VPS35L: variants seen among roughly 807,000 people sequenced by gnomAD.
The protein encoded by VPS35L is VPS35 endosomal protein-sorting factor-like.
A neutral mutation model predicts 133.0 loss-of-function variants in VPS35L; 83 were observed. The ratio of observed to expected loss-of-function variants is 0.62; its 90% CI spans 0.52 to 0.75. The LOEUF is 0.75. Ranked by LOEUF, VPS35L falls within the 30% of genes least tolerant of loss-of-function variation. The probability of loss-of-function intolerance (pLI) is 0.00; values close to 1 mark genes in which losing one functional copy is unlikely to be tolerated. For synonymous variants in VPS35L, 423 were observed against 449.9 expected, an observed-to-expected ratio of 0.94 and a Z score of 0.76; for missense variants, 1,083 against 1,206.8, an observed-to-expected ratio of 0.90 and a Z score of 1.52.
intron 28 of VPS35L, among the ~76,000 whole-genome samples, chr16:19,688,290 C>G (rs576116541): frequency 6.6e-6 from 1 of 152,204 alleles, no homozygotes; most frequent in Non-Finnish European, 1.5e-5. Flanking sequence ...AATATTGTCT[C>G]TTTTGAATTG....
intron 2 of VPS35L, 176 bp from the exon 3 acceptor site, chr16:19,569,248 G>A (rs1011245432): frequency 1.3e-5 from 10 of 768,846 alleles, no homozygotes; most frequent in Non-Finnish European, 2.3e-5. Context: ...TGACAGTTGT[G>A]ATCCTGAGTC....
intron 14 of VPS35L, among the ~76,000 whole-genome samples, chr16:19,625,955 C>T (rs912092912): frequency 2.6e-5 from 4 of 151,944 alleles, no homozygotes; most frequent in South Asian, 4.2e-4. Context: ...ATTATAGGTG[C>T]GAGCCACTGT....
At chr16:19,628,818 G>C in intron 17 of VPS35L, 65 bp downstream of exon 17, 82 of 700,296 alleles carry the variant, frequency 1.2e-4, no homozygotes, top group Non-Finnish European at 1.5e-4. Context: ...TTGAGATGAA[G>C]TCTTGCTCTG....
At position 19,629,746 on chromosome 16, in the gene VPS35L, T is replaced by C. The variant is rs920904844; in HGVS notation, c.1501-21T>C. The C allele has an allele frequency of 2.5e-6, 4 of 1,609,938 alleles. No individual in the cohort carries two copies. The African/African-American group carries it at 5.3e-5, about 22-fold the overall frequency. On this transcript the variant is annotated intron_variant, in intron 17 of 30. Coordinates refer to ENST00000417362, the MANE Select transcript of VPS35L (RefSeq NM_020314.7). ...TACTATGTTGTACTTAATGTTAAGA[T>C]GTTTTCCTTTCTCTTTGTAGGACTA...
rs1567444633 is a variant in VPS35L, at chr16:19,637,623, C to T, written c.1665C>T (p.Ala555=). ...AGTTAATAATTAAGAAAGTTATTGCCCACTTCCATGACTTCTCAGTTCTTT... is the reference window on the plus strand; with the variant it reads ...AGTTAATAATTAAGAAAGTTATTGCTCACTTCCATGACTTCTCAGTTCTTT... ...QLQLIIKKVI[A]HFHDFSVLFS... is the part of the protein sequence containing the mutation. The change falls in exon 20 of 31, where the codon GCC becomes GCT. Residue 555 remains alanine (A), a synonymous_variant. Coordinates refer to ENST00000417362, the MANE Select transcript of VPS35L (RefSeq NM_020314.7). The T allele has an allele frequency of 1.3e-6, 2 of 1,565,968 alleles. No homozygotes were observed. The highest frequency in any genetic ancestry group is 8.7e-7 in the Non-Finnish European group (1 of 1,151,154).
At chr16:19,669,439 C>T in intron 27 of VPS35L, 140 bp downstream of exon 27, 13 of 1,073,176 alleles carry the variant, frequency 1.2e-5, no homozygotes, top group Non-Finnish European at 1.5e-5. Flanking sequence ...ATTTGAATTG[C>T]TTAATGAATT....
At chr16:19,652,785 AAC>A (rs1352725839) in intron 26 of VPS35L, 19 of 152,226 alleles carry the variant, frequency 1.2e-4, no homozygotes, top group African/African-American at 4.6e-4. Context: ...AAACCCCAGA[AAC>A]ACACAAGTAC....
In VPS35L at chr16:19,586,072, A is replaced by AT. The variant is rs138693796; in HGVS notation, c.639+4425dup. Among the ~76,000 whole-genome samples the AT allele has an allele frequency of 5.9e-3, 902 of 151,906 alleles. 9 individuals are homozygous for AT. Among genetic ancestry groups the AT allele is most frequent in the African/African-American group, 0.02 (840 of 41,432 alleles). On this transcript the variant is annotated intron_variant, in intron 7 of 30. Transcript: ENST00000417362. ...GCTGCCACACCCGGCTAATTTTTAA[A>AT]TTTTTTGTAGAAACGGAGGGTTTTA...
At chr16:19,584,638 AAAAAAAG>A (rs1971809205) in intron 7 of VPS35L, among the ~76,000 whole-genome samples, 1 of 151,656 alleles carries the variant, frequency 6.6e-6, no homozygotes, top group African/African-American at 2.4e-5. Flanking sequence ...AAAAAAAAAA[AAAAAAAG>A]AGTTTCCTTT....
intron 26 of VPS35L, among the ~76,000 whole-genome samples, chr16:19,653,447 C>T (rs561451932): frequency 3.9e-5 from 6 of 152,322 alleles, no homozygotes; most frequent in Admixed American, 3.9e-4. Context: ...GTGGCTGGTG[C>T]CTTATTACCC....
At chr16:19,555,937 G>A (rs1480986063) in intron 1 of VPS35L, among the ~76,000 whole-genome samples, 191 bp downstream of exon 1, 1 of 152,154 alleles carries the variant, frequency 6.6e-6, no homozygotes, top group Non-Finnish European at 1.5e-5. Context: ...CCAGACTGGC[G>A]GGTTCTTGGT....
chr16:19,649,683 G>A (rs1429440535), intron 24 of VPS35L, among the ~76,000 whole-genome samples: 2 of 152,316 alleles, frequency 1.3e-5, no homozygotes, highest in East Asian at 1.9e-4. Context: ...GGAACCACAG[G>A]TCCAAACTTT....
chr16:19,679,034 G>T (rs1030466290), intron 27 of VPS35L, among the ~76,000 whole-genome samples: 2 of 151,824 alleles, frequency 1.3e-5, no homozygotes, highest in African/African-American at 4.8e-5. Context: ...TCAGATTGTT[G>T]TCTATTCCCA....
chr16:19,688,599 C>T (rs570430230), intron 28 of VPS35L, among the ~76,000 whole-genome samples: 3 of 152,308 alleles, frequency 2.0e-5, no homozygotes, highest in East Asian at 3.9e-4. Flanking sequence ...GTGCCGCCGC[C>T]GCACCGTCCC....
chr16:19,694,195 C>T (rs1975820012), intron 29 of VPS35L: 1 of 152,098 alleles, frequency 6.6e-6, no homozygotes. Context: ...CCACATGTAC[C>T]TCATAAATAC....
At chr16:19,666,630 A>T (rs1046620218) in intron 26 of VPS35L, among the ~76,000 whole-genome samples, 1 of 152,176 alleles carries the variant, frequency 6.6e-6, no homozygotes, top group Non-Finnish European at 1.5e-5. Context: ...AGTTCTGGGG[A>T]CAAAGCTGCT....
chr16:19,636,778 G>C (rs1228715943), intron 19 of VPS35L, among the ~76,000 whole-genome samples: 2 of 152,162 alleles, frequency 1.3e-5, no homozygotes, highest in African/African-American at 4.8e-5. Context: ...TTTAGAAACC[G>C]CATCTTCTTG....
At chr16:19,613,196 G>T (rs1209078316) in intron 12 of VPS35L, among the ~76,000 whole-genome samples, 1 of 152,130 alleles carries the variant, frequency 6.6e-6, no homozygotes, top group Non-Finnish European at 1.5e-5. Flanking sequence ...CCAGCTACTC[G>T]GAAGGCTGAG....
rs763794338 is a variant in VPS35L at position 19,644,887 on chromosome 16, GCACT to G, written c.1873_1876del (p.Thr625LeufsTer11). 2.3e-5 allele frequency: 36 copies of G among 1,591,260 alleles called. No homozygotes were observed. Among genetic ancestry groups the G allele is most frequent in the Non-Finnish European group, 2.2e-5 (26 of 1,162,462 alleles). ...ATTATGTACAATTATTGATTTTAGT[GCACT>G]CACTCTTGAGGATGAGAAAAGAATG... On this transcript the variant is annotated frameshift_variant and splice_region_variant, in exon 23 of 31. Transcript: ENST00000417362. LOFTEE classifies it high-confidence loss of function.
Sources: gnomAD v4.1 joint callset for allele counts (sites outside exome capture counted in the v4.1 genomes callset) on GRCh38, gnomAD v4.1.1 for gene constraint, MANE v1.5 for transcripts, NCBI Gene and HGNC (gene_info 2026-07-23, HGNC 2026-07-21) for gene names.